MEI1: variants seen among roughly 807,000 people sequenced by gnomAD.
The protein encoded by MEI1 is meiosis inhibitor protein 1.
MEI1 carries 103 observed loss-of-function variants against 146.2 expected under a neutral mutation model. The ratio of observed to expected loss-of-function variants is 0.70; its 90% confidence interval spans 0.60 to 0.83. The LOEUF is 0.83. Among genes scored for constraint, MEI1 ranks in the 40% least tolerant of loss-of-function variants. MEI1 has a pLI of 0.00. For missense variants in MEI1, 1,529 were observed against 1,533.0 expected (o/e 1.00, Z 0.04); for synonymous variants, 652 against 628.2 (o/e 1.04, Z -0.57).
chr22:41,793,173 A>AT (rs1271170410), intron 26 of MEI1, among the ~76,000 whole-genome samples: 1 of 149,358 alleles, frequency 6.7e-6, no homozygotes, highest in Non-Finnish European at 1.5e-5. Flanking sequence ...AGTAGCTGGG[A>AT]TTACAGGCGC....
At chr22:41,774,575 GTC>G (rs2075348245) in intron 20 of MEI1, 1 of 152,140 alleles carries the variant, frequency 6.6e-6, no homozygotes, top group Admixed American at 6.5e-5. Flanking sequence ...TGTTTTCTGA[GTC>G]TCTACAAGGT....
intron 18 of MEI1, 31 bp from the exon 19 acceptor site, chr22:41,763,143 C>T (rs1336325712): frequency 6.2e-7 from 1 of 1,610,106 alleles, no homozygotes; most frequent in African/African-American, 1.3e-5. Context: ...CCAACTCTGC[C>T]TTTCTCACTC....
chr22:41,751,727 G>A (rs12170837), intron 15 of MEI1, among the ~76,000 whole-genome samples: 329 of 144,642 alleles, frequency 2.3e-3, no homozygotes, highest in African/African-American at 8.1e-3. Context: ...AGCCAAGATC[G>A]TGCCATTGCA....
At position 41,703,357 on chromosome 22, in the gene MEI1, C is replaced by T; in HGVS notation, c.201C>T (p.Ser67=). ...TAGTGCGCAAGAAGCACATGTTGTC[C>T]TGCTTCCAAGATGCCCTTGTGAGGC... ...VSLVRKKHML[S]CFQDALVRHT... Residue 67 remains serine (S), a synonymous_variant, in exon 2 of 31, where the codon TCC becomes TCT. Coordinates refer to ENST00000401548, the MANE Select transcript of MEI1 (RefSeq NM_152513.4). 6.2e-7 allele frequency: 1 copy of T among 1,612,640 alleles called. No individual in the cohort carries two copies. The highest frequency in any genetic ancestry group is 8.5e-7 in the Non-Finnish European group (1 of 1,179,286).
intron 26 of MEI1, among the ~76,000 whole-genome samples, chr22:41,787,026 G>T (rs113014560): frequency 3.3e-5 from 5 of 152,302 alleles, no homozygotes; most frequent in African/African-American, 1.2e-4. Context: ...ACAAGGCTCT[G>T]TGCTCTTTAG....
Position 41,699,562 on chromosome 22 carries a change from G to T in MEI1, c.24G>T (p.Thr8=). 6.2e-7 allele frequency: 1 copy of T among 1,612,062 alleles called. No homozygotes were observed. Among genetic ancestry groups the T allele is most frequent in the Non-Finnish European group, 8.5e-7 (1 of 1,179,126 alleles). Residue 8 remains threonine, a synonymous_variant, in exon 1 of 31, where the codon ACG becomes ACT. Transcript: ENST00000401548. MAVRQAA[T]AGTPGPRREE... is the part of the protein sequence containing the mutation. Reference sequence around the variant, plus strand: ...AGATGGCTGTGAGGCAGGCGGCGACGGCGGGCACTCCCGGGCCCAGGAGAG... The same window carrying T: ...AGATGGCTGTGAGGCAGGCGGCGACTGCGGGCACTCCCGGGCCCAGGAGAG...
At chr22:41,715,129 A>G (rs1217980800) in intron 4 of MEI1, among the ~76,000 whole-genome samples, 1 of 152,110 alleles carries the variant, frequency 6.6e-6, no homozygotes, top group East Asian at 1.9e-4. Flanking sequence ...GATGCCACTT[A>G]ACATTTATTG....
At chr22:41,742,966 A>G in intron 11 of MEI1, 114 bp from the exon 12 acceptor site, 1 of 700,470 alleles carries the variant, frequency 1.4e-6, no homozygotes, top group East Asian at 2.8e-5. Context: ...TTTTTATCAG[A>G]TTAGATTCCA....
chr22:41,748,089 T>C lies in MEI1; in HGVS notation c.1681-18T>C. ...CTCAGTCCCCGTGGGCTGTGTTCTC[T>C]CTCCTGGTTCTTTGCAGAGACACTT... is the stretch of plus-strand genomic sequence containing the variant. On this transcript the variant is annotated intron_variant, in intron 14 of 30. Coordinates refer to ENST00000401548, the MANE Select transcript of MEI1 (RefSeq NM_152513.4). 1 of 1,588,090 alleles carries C rather than the reference T, an allele frequency of 6.3e-7. No individual in the cohort carries two copies. Among genetic ancestry groups the C allele is most frequent in the Non-Finnish European group, 8.6e-7 (1 of 1,156,726 alleles).
chr22:41,784,973 G>A (rs569844170), intron 26 of MEI1, among the ~76,000 whole-genome samples, 190 bp downstream of exon 26: 1 of 147,880 alleles, frequency 6.8e-6, no homozygotes, highest in African/African-American at 2.6e-5. Flanking sequence ...TTTCGCTCTT[G>A]TTGCCCAGGC....
intron 7 of MEI1, among the ~76,000 whole-genome samples, chr22:41,725,987 G>A (rs1012406262): frequency 6.6e-6 from 1 of 152,202 alleles, no homozygotes; most frequent in Non-Finnish European, 1.5e-5. Context: ...CTGGTTAGAA[G>A]TGAGAAGGGA....
chr22:41,769,082 AT>A (rs771708009), intron 19 of MEI1, among the ~76,000 whole-genome samples: 4 of 152,296 alleles, frequency 2.6e-5, no homozygotes, highest in Non-Finnish European at 5.9e-5. Flanking sequence ...TGAACCTAAA[AT>A]TCATATGGAA....
At chr22:41,724,872 C>T (rs372947497) in intron 7 of MEI1, among the ~76,000 whole-genome samples, 1 of 151,606 alleles carries the variant, frequency 6.6e-6, no homozygotes, top group Non-Finnish European at 1.5e-5. Context: ...GGCACAATCA[C>T]GGCTCACTGC....
chr22:41,727,194 A>T (rs889330727), intron 7 of MEI1, among the ~76,000 whole-genome samples: 1 of 152,102 alleles, frequency 6.6e-6, no homozygotes, highest in African/African-American at 2.4e-5. Flanking sequence ...TTTACCAGAC[A>T]TTAGTAGTCT....
intron 20 of MEI1, 76 bp from the exon 21 acceptor site, chr22:41,776,026 G>T (rs1377005917): frequency 2.7e-6 from 4 of 1,457,386 alleles, no homozygotes; most frequent in South Asian, 1.2e-5. Flanking sequence ...CCCTTTTCCT[G>T]CCCCTCTATT....
chr22:41,736,180 T>G (rs977976681), intron 11 of MEI1, among the ~76,000 whole-genome samples: 1 of 152,130 alleles, frequency 6.6e-6, no homozygotes, highest in African/African-American at 2.4e-5. Flanking sequence ...CTACATTGTC[T>G]TCTCTTCTCT....
At chr22:41,793,321 G>A (rs1253135609) in intron 26 of MEI1, among the ~76,000 whole-genome samples, 6 of 151,816 alleles carry the variant, frequency 4.0e-5, no homozygotes, top group African/African-American at 7.3e-5. Flanking sequence ...GAGCCACCAC[G>A]ATGGAGTTTC....
intron 1 of MEI1, among the ~76,000 whole-genome samples, chr22:41,700,723 TG>T (rs2068639569): frequency 1.3e-5 from 2 of 149,642 alleles, no homozygotes; most frequent in African/African-American, 4.9e-5. Context: ...CGTGAGTGGG[TG>T]GATTGGCTAG....
intron 3 of MEI1, among the ~76,000 whole-genome samples, chr22:41,709,052 C>G (rs1265861749): frequency 1.3e-5 from 2 of 152,184 alleles, no homozygotes; most frequent in East Asian, 3.9e-4. Context: ...GCTGTGAAGA[C>G]ATTCTATTAG....
Sources: gnomAD v4.1 joint callset for allele counts (sites outside exome capture counted in the v4.1 genomes callset) on GRCh38, gnomAD v4.1.1 for gene constraint, MANE v1.5 for transcripts, NCBI Gene and HGNC (gene_info 2026-07-23, HGNC 2026-07-21) for gene names.